ATP2C2: variants seen among roughly 807,000 people sequenced by gnomAD.
ATP2C2 encodes the protein calcium-transporting ATPase type 2C member 2.
ATP2C2 carries 171 observed loss-of-function variants against 110.8 expected under a neutral mutation model. That is an observed-to-expected ratio of 1.54 (90% confidence interval 1.36 to 1.75). The LOEUF is 1.75. Among genes scored for constraint, ATP2C2 ranks in the 40% most tolerant of loss-of-function variants. The probability of loss-of-function intolerance (pLI) is 0.00; values close to 1 mark genes in which losing one functional copy is unlikely to be tolerated. For synonymous variants in ATP2C2, 804 were observed against 508.4 expected (o/e 1.58, Z -7.82); for missense variants, 1,963 against 1,235.0 (o/e 1.59, Z -8.84).
intron 26 of ATP2C2, among the ~76,000 whole-genome samples, chr16:84,463,396 G>C (rs1394972595): frequency 1.3e-5 from 2 of 152,112 alleles, no homozygotes; most frequent in African/African-American, 4.8e-5. Flanking sequence ...CTGTGCTCTG[G>C]AGCTGCCTGG....
At chr16:84,406,250 T>G (rs1905757604) in intron 3 of ATP2C2, among the ~76,000 whole-genome samples, 1 of 152,176 alleles carries the variant, frequency 6.6e-6, no homozygotes, top group Non-Finnish European at 1.5e-5. Context: ...AAACTGCAAT[T>G]GACATGGCTC....
At chr16:84,455,227 C>T (rs1258435858) in intron 21 of ATP2C2, among the ~76,000 whole-genome samples, 4 of 152,020 alleles carry the variant, frequency 2.6e-5, no homozygotes, top group Non-Finnish European at 5.9e-5. Flanking sequence ...GGGAATGTTA[C>T]GGATATGAAG....
chr16:84,454,268 T>A (rs920791258), intron 20 of ATP2C2, among the ~76,000 whole-genome samples: 4 of 152,164 alleles, frequency 2.6e-5, no homozygotes, highest in Non-Finnish European at 5.9e-5. Flanking sequence ...AGGAGCCCAA[T>A]AAAGAGCTGA....
In ATP2C2 at chr16:84,436,613, C is replaced by T. The variant is rs185389359; in HGVS notation, c.987-2553C>T. On this transcript the variant is annotated intron_variant, in intron 11 of 26. Transcript: ENST00000262429. Reference sequence around the variant, plus strand: ...TTCTAGAAATTGTACAGAGTGGATCCATGCGGTGACAGCACTTGGAGCTCC... The same window carrying T: ...TTCTAGAAATTGTACAGAGTGGATCTATGCGGTGACAGCACTTGGAGCTCC... Among the ~76,000 whole-genome samples the T allele has an allele frequency of 1.1e-4, 16 of 152,262 alleles. No homozygotes were observed. The East Asian group carries it at 2.9e-3, about 28-fold the overall frequency.
In ATP2C2 at chr16:84,396,371, A is replaced by C. The variant is rs62048825; in HGVS notation, c.100-2128A>C. ...GACCAGCCTGGCCAACCTGGTGAAA[A>C]CCCGTCTCTACTAAAAATACAAAAA... On this transcript the variant is annotated intron_variant, in intron 1 of 26. Coordinates refer to ENST00000262429, the MANE Select transcript of ATP2C2 (RefSeq NM_014861.4). Among the ~76,000 whole-genome samples the C allele has an allele frequency of 4.3e-3, 643 of 150,498 alleles. 9 individuals are homozygous for C. Among genetic ancestry groups the C allele is most frequent in the African/African-American group, 0.015 (611 of 40,438 alleles).
rs1463321154 is a variant in ATP2C2, at chr16:84,423,383, G to A, written c.919+120G>A. ...CTCAGCTGCATAAGGCTTGGGGATT[G>A]GGATCAGAGGCTCTCCACAAGCAAC... On this transcript the variant is annotated intron_variant, in intron 10 of 26. Transcript: ENST00000262429. 4.4e-6 allele frequency: 4 copies of A among 902,964 alleles called. No homozygotes were observed. The African/African-American group carries it at 6.6e-5, about 15-fold the overall frequency. The allele number at this position is 902,964 out of a possible 1,614,324, so 55.9% of individuals were successfully genotyped here. A position where few individuals can be genotyped will look rare whatever the true frequency, so the allele number is the denominator to read the frequency against.
chr16:84,419,586 G>T (rs1354737642), intron 7 of ATP2C2, among the ~76,000 whole-genome samples: 1 of 152,160 alleles, frequency 6.6e-6, no homozygotes, highest in African/African-American at 2.4e-5. Flanking sequence ...CTGGGGGCAG[G>T]GGGACGTTAC....
chr16:84,373,553 A>G (rs998077860), intron 1 of ATP2C2, among the ~76,000 whole-genome samples: 7 of 152,086 alleles, frequency 4.6e-5, no homozygotes, highest in Non-Finnish European at 1.0e-4. Flanking sequence ...TTTGAATCTC[A>G]TTTTGAAATG....
rs539854906 is a variant in ATP2C2, at chr16:84,422,306, A to G, written c.625-84A>G. The stretch of plus-strand genomic sequence containing the variant: ...TGTGTTCTTGAGTTCATGTCCATGA[A>G]GGTGCTGGTACCATTTTGTGCTTTT... On this transcript the variant is annotated intron_variant, in intron 7 of 26. Coordinates refer to ENST00000262429, the MANE Select transcript of ATP2C2 (RefSeq NM_014861.4). 8.9e-6 allele frequency: 13 copies of G among 1,463,694 alleles called. No homozygotes were observed. The East Asian group carries it at 2.5e-4, about 28-fold the overall frequency. The allele number at this position is 1,463,694 out of a possible 1,614,324, so 90.7% of individuals were successfully genotyped here.
intron 6 of ATP2C2, among the ~76,000 whole-genome samples, chr16:84,412,518 CTG>C (rs1290921057): frequency 1.6e-5 from 2 of 121,306 alleles, no homozygotes; most frequent in African/African-American, 3.3e-5. Flanking sequence ...CTGTGTGTGT[CTG>C]TGTGTGCATG....
At chr16:84,459,086 C>T (rs367687195) in intron 21 of ATP2C2, 34 bp from the exon 22 acceptor site, 91 of 1,610,880 alleles carry the variant, frequency 5.6e-5, no homozygotes, top group East Asian at 6.7e-5. Flanking sequence ...CACGCAGGCC[C>T]GCTCCGTGAG....
At chr16:84,426,799 A>G (rs1169579646) in intron 11 of ATP2C2, among the ~76,000 whole-genome samples, 1 of 152,198 alleles carries the variant, frequency 6.6e-6, no homozygotes, top group African/African-American at 2.4e-5. Context: ...CCACACGCGG[A>G]CAGCAGGGCT....
intron 14 of ATP2C2, among the ~76,000 whole-genome samples, chr16:84,441,628 A>T (rs936982472): frequency 6.6e-6 from 1 of 152,062 alleles, no homozygotes; most frequent in Non-Finnish European, 1.5e-5. Context: ...CAGATTAAAA[A>T]TCAAAAATAT....
chr16:84,415,455 C>T (rs747640593), intron 6 of ATP2C2, 28 bp from the exon 7 acceptor site: 1 of 1,583,810 alleles, frequency 6.3e-7, no homozygotes, highest in African/African-American at 1.3e-5. Flanking sequence ...AGCATGGATG[C>T]TTTTGCTTTT....
chr16:84,415,277 G>A (rs1014448503), intron 6 of ATP2C2, among the ~76,000 whole-genome samples: 1 of 152,292 alleles, frequency 6.6e-6, no homozygotes, highest in African/African-American at 2.4e-5. Context: ...TCTTTCAGAT[G>A]TGGCCCAGGG....
At chr16:84,390,615 G>A (rs776533417) in intron 1 of ATP2C2, among the ~76,000 whole-genome samples, 6 of 151,874 alleles carry the variant, frequency 4.0e-5, no homozygotes, top group Non-Finnish European at 5.9e-5. Flanking sequence ...GAGTCGTTCC[G>A]GAGGCTGGAA....
chr16:84,440,178 G>C (rs1041485509), intron 13 of ATP2C2, among the ~76,000 whole-genome samples: 1 of 152,216 alleles, frequency 6.6e-6, no homozygotes, highest in African/African-American at 2.4e-5. Flanking sequence ...TGTCGCCCAG[G>C]TTGCAGTGCA....
At chr16:84,427,809 C>G (rs1051628377) in intron 11 of ATP2C2, among the ~76,000 whole-genome samples, 2 of 152,116 alleles carry the variant, frequency 1.3e-5, no homozygotes, top group Non-Finnish European at 2.9e-5. Context: ...TGTGTAGTGA[C>G]TCCTAACAGT....
intron 11 of ATP2C2, among the ~76,000 whole-genome samples, chr16:84,435,305 A>G (rs1908639034): frequency 6.6e-6 from 1 of 152,176 alleles, no homozygotes; most frequent in Non-Finnish European, 1.5e-5. Flanking sequence ...GCTCTGCCCA[A>G]AATAATGGTG....
Sources: allele counts gnomAD v4.1 joint callset (sites outside exome capture counted in the v4.1 genomes callset), GRCh38; gene constraint gnomAD v4.1.1; transcripts MANE v1.5; gene names NCBI Gene and HGNC (gene_info 2026-07-23, HGNC 2026-07-21).